Variants in LRRC49 observed in about 807,000 individuals in gnomAD.
LRRC49 encodes the protein leucine rich repeat containing 49.
In LRRC49, 50 loss-of-function variants were observed where a neutral mutation model predicts 83.3. The observed-to-expected ratio is 0.60, with a 90% CI of 0.48 to 0.76. The LOEUF is 0.76. Among genes scored for constraint, LRRC49 ranks in the 30% least tolerant of loss-of-function variants. The pLI, the probability that LRRC49 is intolerant of heterozygous loss-of-function variation, is 0.00. For synonymous variants in LRRC49, 286 were observed against 283.3 expected, an observed-to-expected ratio of 1.01 and a Z score of -0.10; for missense variants, 704 against 809.1, an observed-to-expected ratio of 0.87 and a Z score of 1.58.
chr15:71,022,374 A>C (rs1244686386), intron 14 of LRRC49, among the ~76,000 whole-genome samples: 1 of 152,014 alleles, frequency 6.6e-6, no homozygotes, highest in African/African-American at 2.4e-5. Flanking sequence ...CCCTGTCTCC[A>C]AAAAAAACCA....
intron 6 of LRRC49, 43 bp downstream of exon 6, chr15:70,911,641 TC>T: frequency 1.6e-6 from 2 of 1,215,894 alleles, no homozygotes; most frequent in Admixed American, 2.4e-5. Flanking sequence ...TGAAAAAAAG[TC>T]CAGGAAAATG....
intron 4 of LRRC49, among the ~76,000 whole-genome samples, chr15:70,902,753 C>T (rs2034135284): frequency 6.6e-6 from 1 of 152,098 alleles, no homozygotes; most frequent in African/African-American, 2.4e-5. Context: ...AGGAAGGCAG[C>T]CTATCAGCAC....
intron 1 of LRRC49, among the ~76,000 whole-genome samples, chr15:70,872,012 G>A (rs2033057178): frequency 2.0e-5 from 3 of 152,220 alleles, no homozygotes; most frequent in South Asian, 4.1e-4. Flanking sequence ...GGCAGAGGCT[G>A]CAATCTCGGC....
chr15:70,856,034 G>A (rs1267698900), intron 1 of LRRC49, among the ~76,000 whole-genome samples: 1 of 152,102 alleles, frequency 6.6e-6, no homozygotes, highest in Non-Finnish European at 1.5e-5. Flanking sequence ...GACATCAGGG[G>A]TTGTTATCCT....
intron 11 of LRRC49, among the ~76,000 whole-genome samples, chr15:71,004,919 A>G (rs1365760516): frequency 1.3e-5 from 2 of 152,158 alleles, no homozygotes; most frequent in African/African-American, 2.4e-5. Context: ...AGGAGGAGGA[A>G]AAAATAACTA....
At position 70,892,828 on chromosome 15, in the gene LRRC49, CTT is replaced by C. The variant is rs2033640659; in HGVS notation, c.-65_-64del. ...CTGGGAGATGACCTCTTTCGGGTCT[CTT>C]TGAATCTCCGCTGTAGCGTCACCTG... On this transcript the variant is annotated 5_prime_UTR_variant, in exon 1 of 16. Transcript: ENST00000260382. 7.4e-6 allele frequency: 12 copies of C among 1,614,124 alleles called. No homozygotes were observed. Among genetic ancestry groups the C allele is most frequent in the East Asian group, 2.2e-5 (1 of 44,880 alleles).
At chr15:70,889,358 T>TTC (rs2033492643), upstream of LRRC49, among the ~76,000 whole-genome samples, 1 of 147,372 alleles carries the variant, frequency 6.8e-6, no homozygotes, top group African/African-American at 2.5e-5. Flanking sequence ...TTATATGAAA[T>TTC]CCCCCCCCCA....
chr15:70,892,015 C>T, upstream of LRRC49: 3 of 1,612,838 alleles, frequency 1.9e-6, no homozygotes, highest in Non-Finnish European at 2.5e-6. Context: ...GCAGGGTGGG[C>T]ACGGCGCCTG....
chr15:70,962,544 C>T (rs570598769), intron 8 of LRRC49, among the ~76,000 whole-genome samples: 54 of 151,492 alleles, frequency 3.6e-4, no homozygotes, highest in African/African-American at 1.2e-3. Context: ...GGACCAGGAC[C>T]GGAATTAGTC....
intron 8 of LRRC49, among the ~76,000 whole-genome samples, chr15:70,946,458 A>G (rs1024657757): frequency 1.3e-5 from 2 of 152,136 alleles, no homozygotes; most frequent in African/African-American, 4.8e-5. Context: ...TCCACTGTGC[A>G]TATATATACC....
chr15:70,936,652 A>G, intron 7 of LRRC49, 109 bp from the exon 8 acceptor site: 2 of 688,894 alleles, frequency 2.9e-6, no homozygotes, highest in South Asian at 3.4e-5. Context: ...GTGATGTAGC[A>G]ATGTTGCAGT....
chr15:70,908,989 C>A (rs1415438271), intron 5 of LRRC49, among the ~76,000 whole-genome samples: 5 of 152,284 alleles, frequency 3.3e-5, no homozygotes, highest in Middle Eastern at 3.4e-3. Context: ...AAGGTGGTTG[C>A]AGTCACAACA....
intron 1 of LRRC49, among the ~76,000 whole-genome samples, chr15:70,857,258 A>G (rs949163754): frequency 2.6e-5 from 4 of 152,192 alleles, no homozygotes; most frequent in African/African-American, 4.8e-5. Context: ...TTTGGAATCA[A>G]TTGGAAATAT....
chr15:71,048,879 A>G (rs1280572541), intron 15 of LRRC49: 5 of 455,242 alleles, frequency 1.1e-5, no homozygotes, highest in South Asian at 6.2e-5. Context: ...CTAATTGTAC[A>G]CTTCCCCCCA....
At chr15:71,048,332 C>A (rs1439644902) in intron 15 of LRRC49, among the ~76,000 whole-genome samples, 2 of 145,882 alleles carry the variant, frequency 1.4e-5, no homozygotes, top group East Asian at 4.2e-4. Flanking sequence ...TGGCCTTAAG[C>A]GATCCTCCTG....
At chr15:70,961,892 T>C (rs184387653) in intron 8 of LRRC49, among the ~76,000 whole-genome samples, 46 of 152,264 alleles carry the variant, frequency 3.0e-4, no homozygotes, top group Admixed American at 2.7e-3. Context: ...ATGCAAATGT[T>C]AAAAAATCAC....
intron 6 of LRRC49, among the ~76,000 whole-genome samples, chr15:70,913,767 G>C (rs188651825): frequency 1.8e-4 from 28 of 152,206 alleles, no homozygotes; most frequent in African/African-American, 6.0e-4. Context: ...TTATTTTAAA[G>C]TGTATACATG....
intron 15 of LRRC49, among the ~76,000 whole-genome samples, chr15:71,047,212 A>G (rs1230948744): frequency 6.6e-6 from 1 of 152,130 alleles, no homozygotes; most frequent in Non-Finnish European, 1.5e-5. Flanking sequence ...TTTTTTTTCT[A>G]ATTCTGTGAA....
At chr15:70,945,215 T>G (rs2035965741) in intron 8 of LRRC49, among the ~76,000 whole-genome samples, 1 of 152,184 alleles carries the variant, frequency 6.6e-6, no homozygotes, top group South Asian at 2.1e-4. Context: ...CACTTCCCTA[T>G]GCTATGATCT....
Sources: allele counts gnomAD v4.1 joint callset (sites outside exome capture counted in the v4.1 genomes callset), GRCh38; gene constraint gnomAD v4.1.1; transcripts MANE v1.5; gene names NCBI Gene and HGNC (gene_info 2026-07-23, HGNC 2026-07-21).